Variants in DUOX1 observed in about 807,000 individuals in gnomAD.
The protein encoded by DUOX1 is NADPH thyroid oxidase 1.
Under a neutral mutation model 181.8 loss-of-function variants are expected in DUOX1, and 134 were observed. The ratio of observed to expected loss-of-function variants is 0.74; its 90% CI spans 0.64 to 0.85. The LOEUF is 0.85. Ranked by LOEUF, DUOX1 falls within the 40% of genes least tolerant of loss-of-function variation. The pLI is 0.00. For missense variants in DUOX1, 1,814 were observed against 2,064.4 expected, an observed-to-expected ratio of 0.88 and a Z score of 2.35; for synonymous variants, 798 against 832.5, an observed-to-expected ratio of 0.96 and a Z score of 0.71.
chr15:45,138,604 G>A (rs1896400987), intron 10 of DUOX1: 1 of 162,998 alleles, frequency 6.1e-6, no homozygotes, highest in African/African-American at 2.4e-5. Flanking sequence ...GAAGGGAGTG[G>A]GGAGGAAGAA....
Position 45,162,445 on chromosome 15 carries a change from C to T in DUOX1, c.4248+68C>T, listed in dbSNP as rs1897133776. 10 of 1,556,878 alleles carry T rather than the reference C, an allele frequency of 6.4e-6. No homozygotes were observed. In the Admixed American group the frequency reaches 1.8e-4, roughly 29 times the overall value. ...TCCTTGTCATGGTACCCATCTGTGC[C>T]TTTCTCCTCTGCCTTTGTTCTTGGC... On this transcript the variant is annotated intron_variant, in intron 31 of 33. Transcript: ENST00000389037.
At chr15:45,142,836 C>T (rs1896543799) in intron 15 of DUOX1, among the ~76,000 whole-genome samples, 1 of 143,742 alleles carries the variant, frequency 7.0e-6, no homozygotes, top group Non-Finnish European at 1.5e-5. Flanking sequence ...GACATAGTCG[C>T]TGGAGTGAGG....
intron 9 of DUOX1, among the ~76,000 whole-genome samples, chr15:45,137,522 G>C (rs1039820888): frequency 6.6e-6 from 1 of 152,146 alleles, no homozygotes. Context: ...GGGTATGCCT[G>C]ATGATGTCTG....
At chr15:45,139,020 A>T (rs776519803) in intron 10 of DUOX1, 46 bp from the exon 11 acceptor site, 14 of 1,556,308 alleles carry the variant, frequency 9.0e-6, no homozygotes, top group Non-Finnish European at 1.2e-5. Flanking sequence ...CTAACCTCTG[A>T]CCCCATTAAC....
chr15:45,148,601 G>A (rs1209874481), intron 21 of DUOX1, 154 bp downstream of exon 21: 1 of 650,684 alleles, frequency 1.5e-6, no homozygotes, highest in Non-Finnish European at 2.3e-6. Flanking sequence ...ATCCAATCTG[G>A]ATTGTAGTTT....
At chr15:45,155,770 C>A (rs747929670) in intron 27 of DUOX1, 32 bp from the exon 28 acceptor site, 2 of 1,612,446 alleles carry the variant, frequency 1.2e-6, no homozygotes, top group South Asian at 1.1e-5. Context: ...AGGCACTGAT[C>A]TTCTGCCTTC....
At chr15:45,139,199 A>G in intron 11 of DUOX1, 31 bp downstream of exon 11, 1 of 1,613,874 alleles carries the variant, frequency 6.2e-7, no homozygotes, top group Non-Finnish European at 8.5e-7. Flanking sequence ...GCAGGTTGTG[A>G]ACTCCTGGCC....
At chr15:45,151,841 G>C in intron 23 of DUOX1, 33 bp from the exon 24 acceptor site, 1 of 1,590,152 alleles carries the variant, frequency 6.3e-7, no homozygotes, top group East Asian at 2.3e-5. Flanking sequence ...GTCCCATGGT[G>C]GGTGCCAAAG....
At chr15:45,163,943 C>A in intron 33 of DUOX1, 25 bp downstream of exon 33, 1 of 1,609,714 alleles carries the variant, frequency 6.2e-7, no homozygotes. Flanking sequence ...TAACCAGGTT[C>A]TCTTCCTCTT....
In DUOX1 at chr15:45,132,021, C is replaced by A; in HGVS notation, c.55C>A (p.Leu19Met). The change falls in exon 2 of 34, where the codon CTG becomes ATG. Residue 19 changes from leucine to methionine, a missense_variant. By Grantham distance (15) the Leu-to-Met change is conservative. Coordinates refer to ENST00000389037, the MANE Select transcript of DUOX1 (RefSeq NM_175940.3). ...WTLLVGAWTP[L>M]GAQNPISWEV... ...ACTTCTGGTTGGGGCATGGACCCCT[C>A]TGGGTGAGTACAGATTGGAGGAGAA... 6.2e-7 allele frequency: 1 copy of A among 1,610,972 alleles called. No individual in the cohort carries two copies. The highest frequency in any genetic ancestry group is 2.2e-5 in the East Asian group (1 of 44,858).
intron 15 of DUOX1, 69 bp from the exon 16 acceptor site, chr15:45,143,121 C>G (rs1293428397): frequency 1.6e-6 from 2 of 1,212,630 alleles, no homozygotes; most frequent in African/African-American, 1.5e-5. Context: ...AGGTAAGGAG[C>G]TGAGAAAGGA....
chr15:45,137,649 T>A (rs1896361402), intron 9 of DUOX1, among the ~76,000 whole-genome samples: 1 of 152,118 alleles, frequency 6.6e-6, no homozygotes, highest in Non-Finnish European at 1.5e-5. Flanking sequence ...ATATATATAT[T>A]TTATATGTGT....
At position 45,144,078 on chromosome 15, in the gene DUOX1, T is replaced by C. The variant is rs773011965; in HGVS notation, c.1979T>C (p.Leu660Pro). Residue 660 changes from leucine to proline, a missense_variant, in exon 17 of 34, where the codon CTT (leucine) becomes CCT (proline). Leu to Pro is a moderately conservative substitution (Grantham distance 98). Around this residue, in one of 5 missense-constraint regions of DUOX1, gnomAD observed 1,064 missense variants for 1,152.9 expected, o/e 0.92. Transcript: ENST00000389037. ...QGHKEPCRPV[L>P]VYLQPGQIRV... The stretch of plus-strand genomic sequence containing the variant: ...CACAAGGAGCCCTGCCGGCCCGTGC[T>C]TGTGTACCTGCAGCCCGGGCAGATC... 1.3e-5 allele frequency: 21 copies of C among 1,613,966 alleles called. No individual in the cohort carries two copies. Among genetic ancestry groups the C allele is most frequent in the African/African-American group, 2.7e-5 (2 of 74,954 alleles).
chr15:45,154,597 T>TTTG (rs1555423050), intron 27 of DUOX1, among the ~76,000 whole-genome samples: 3 of 143,048 alleles, frequency 2.1e-5, no homozygotes, highest in South Asian at 2.1e-4. Flanking sequence ...ACAGCATGGT[T>TTTG]TTTTTTTTTT....
In DUOX1 at chr15:45,163,601, G is replaced by A. The variant is rs1897158234; in HGVS notation, c.4318G>A (p.Glu1440Lys). 1 of 1,614,206 alleles carries A rather than the reference G, an allele frequency of 6.2e-7. No individual in the cohort carries two copies. Among genetic ancestry groups the A allele is most frequent in the Non-Finnish European group, 8.5e-7 (1 of 1,180,034 alleles). The change falls in exon 32 of 34, where the codon GAG becomes AAG. Residue 1440 changes from glutamate to lysine, a missense_variant. By Grantham distance (56) the Glu-to-Lys change is moderately conservative. Around this residue, in one of 5 missense-constraint regions of DUOX1, gnomAD observed 279 missense variants for 381.9 expected, o/e 0.73. Transcript: ENST00000389037. ...EWLADIIREV[E>K]ENDHQDLVSV... Reference sequence around the variant, plus strand: ...GCTGGCTGACATCATCCGAGAGGTGGAGGAGAATGACCACCAGGACCTGGT... The same window carrying A: ...GCTGGCTGACATCATCCGAGAGGTGAAGGAGAATGACCACCAGGACCTGGT...
Position 45,165,042 on chromosome 15 carries a change from G to T in DUOX1, c.*141G>T. The T allele has an allele frequency of 2.2e-6, 2 of 928,236 alleles. No homozygotes were observed. Among genetic ancestry groups the T allele is most frequent in the Non-Finnish European group, 1.6e-6 (1 of 609,676 alleles). The allele number at this position is 928,236 out of a possible 1,614,324, so 57.5% of individuals were successfully genotyped here. Reference sequence around the variant, plus strand: ...ACCTTGTTCCAGGTGGCCATAGTCAGTCACCATGTGTGGGCTCAGGGACCC... The same window carrying T: ...ACCTTGTTCCAGGTGGCCATAGTCATTCACCATGTGTGGGCTCAGGGACCC... On this transcript the variant is annotated 3_prime_UTR_variant, in exon 34 of 34. Transcript: ENST00000389037.
Position 45,152,331 on chromosome 15 carries a change from G to A in DUOX1, c.3239G>A (p.Arg1080His), listed in dbSNP as rs373625215. Reference sequence around the variant, plus strand: ...CACACGGGCATCACAGACACCACCCGCGTGGGAATCATCCTGTCGCGGGGC... The same window carrying A: ...CACACGGGCATCACAGACACCACCCACGTGGGAATCATCCTGTCGCGGGGC... ...AHHTGITDTT[R>H]VGIILSRGTA... Residue 1080 changes from arginine (R) to histidine (H), a missense_variant, in exon 25 of 34, where the codon CGC (arginine) becomes CAC (histidine). Physicochemically the swap from Arg to His is conservative, Grantham distance 29. Coordinates refer to ENST00000389037, the MANE Select transcript of DUOX1 (RefSeq NM_175940.3). The A allele has an allele frequency of 4.3e-6, 7 of 1,614,012 alleles. No homozygotes were observed. In the African/African-American group the frequency reaches 6.7e-5, roughly 15 times the overall value.
chr15:45,132,361 TAGACACATA>T (rs1896177747), intron 2 of DUOX1, among the ~76,000 whole-genome samples: 1 of 152,200 alleles, frequency 6.6e-6, no homozygotes, highest in Non-Finnish European at 1.5e-5. Flanking sequence ...AAAGATTGAT[TAGACACATA>T]AGACAATAAA....
At position 45,132,015 on chromosome 15, in the gene DUOX1, A is replaced by C; in HGVS notation, c.49A>C (p.Thr17Pro). 1 of 1,612,352 alleles carries C rather than the reference A, an allele frequency of 6.2e-7. No homozygotes were observed. The highest frequency in any genetic ancestry group is 8.5e-7 in the Non-Finnish European group (1 of 1,179,468). ...ATGGACACTTCTGGTTGGGGCATGG[A>C]CCCCTCTGGGTGAGTACAGATTGGA... is the stretch of plus-strand genomic sequence containing the variant. ...LAWTLLVGAW[T>P]PLGAQNPISW... Residue 17 changes from threonine to proline, a missense_variant, in exon 2 of 34, where the codon ACC (threonine) becomes CCC (proline). This residue lies in a region of DUOX1 where 320 missense variants were observed against 313.1 expected (regional missense o/e 1.02). Transcript: ENST00000389037.
Sources: allele counts gnomAD v4.1 joint callset (sites outside exome capture counted in the v4.1 genomes callset), GRCh38; gene constraint gnomAD v4.1.1; regional missense constraint gnomAD v4.1.1; transcripts MANE v1.5; gene names NCBI Gene and HGNC (gene_info 2026-07-23, HGNC 2026-07-21).